The following RGSL1 variants were observed in gnomAD, a reference collection of about 807,000 sequenced individuals.
RGSL1 encodes the protein regulator of G protein signaling protein-like.
RGSL1 carries 97 observed loss-of-function variants against 124.7 expected under a neutral mutation model. The observed-to-expected ratio is 0.78, with a 90% CI of 0.66 to 0.92. The LOEUF is 0.92. RGSL1 is among the 40% of genes least tolerant of loss of function. The pLI is 0.00. For missense variants in RGSL1, 1,233 were observed against 1,288.4 expected, an observed-to-expected ratio of 0.96 and a Z score of 0.66; for synonymous variants, 424 against 438.1, an observed-to-expected ratio of 0.97 and a Z score of 0.40.
At chr1:182,534,015 C>G (rs1379616259) in intron 14 of RGSL1, among the ~76,000 whole-genome samples, 1 of 152,108 alleles carries the variant, frequency 6.6e-6, no homozygotes, top group Non-Finnish European at 1.5e-5. Context: ...TGAGATGGGG[C>G]AAATGCTTGA....
At position 182,525,750 on chromosome 1, in the gene RGSL1, A is replaced by G. The variant is rs146010324; in HGVS notation, c.1932-1829A>G. On this transcript the variant is annotated intron_variant, in intron 10 of 21. Coordinates refer to ENST00000294854, the MANE Select transcript of RGSL1 (RefSeq NM_001137669.2). ...AAATCAAAGAAAATAAATAATAACT[A>G]TTAGTGTGTAGATACATAAAATAAA... Among the ~76,000 whole-genome samples the G allele has an allele frequency of 2.3e-3, 357 of 152,306 alleles. 1 individual carries two copies. The highest frequency in any genetic ancestry group is 8.3e-3 in the African/African-American group (346 of 41,584).
chr1:182,459,892 T>G (rs562113336), intron 3 of RGSL1, 112 bp from the exon 4 acceptor site: 1 of 1,319,592 alleles, frequency 7.6e-7, no homozygotes, highest in African/African-American at 1.5e-5. Flanking sequence ...ACACCTATCC[T>G]TCTGGCCAGA....
chr1:182,527,981 G>A (rs745348782), intron 11 of RGSL1, among the ~76,000 whole-genome samples: 9 of 152,242 alleles, frequency 5.9e-5, no homozygotes, highest in East Asian at 3.9e-4. Flanking sequence ...GTATTAATCC[G>A]TTCTCACACT....
intron 9 of RGSL1, among the ~76,000 whole-genome samples, chr1:182,512,057 C>A: frequency 6.6e-6 from 1 of 151,978 alleles, no homozygotes; most frequent in South Asian, 2.1e-4. Context: ...TATATAAATG[C>A]TACTAATTTT....
chr1:182,452,147 C>G (rs972843395), intron 1 of RGSL1, among the ~76,000 whole-genome samples: 5 of 152,076 alleles, frequency 3.3e-5, no homozygotes, highest in African/African-American at 1.2e-4. Context: ...GGTTGGGAGG[C>G]CTGGACACAT....
intron 4 of RGSL1, among the ~76,000 whole-genome samples, chr1:182,470,401 T>A (rs567293584): frequency 6.6e-6 from 1 of 152,152 alleles, no homozygotes; most frequent in Middle Eastern, 3.4e-3. Context: ...TCCATTCCAG[T>A]CACATTGGCC....
At chr1:182,541,665 AG>A (rs1178209527) in intron 15 of RGSL1, among the ~76,000 whole-genome samples, 2 of 152,210 alleles carry the variant, frequency 1.3e-5, no homozygotes, top group South Asian at 2.1e-4. Context: ...TGTTTTCCAC[AG>A]TGGCTATACT....
In RGSL1 at chr1:182,460,054, T is replaced by G. The variant is rs1309622231; in HGVS notation, c.222T>G (p.Pro74=). 51 of 1,551,632 alleles carry G rather than the reference T, an allele frequency of 3.3e-5. No individual in the cohort carries two copies. Among genetic ancestry groups the G allele is most frequent in the Non-Finnish European group, 4.4e-5 (51 of 1,146,990 alleles). ...CCTGGTTGGAAAAATGCCGATTACC[T>G]TTCTTCTGTAAAACAAACTTGTGTT... The part of the protein sequence containing the change: ...LLTWLEKCRL[P]FFCKTNLCFH... Residue 74 remains proline (P), a synonymous_variant, in exon 4 of 22, where the codon CCT becomes CCG. Coordinates refer to ENST00000294854, the MANE Select transcript of RGSL1 (RefSeq NM_001137669.2).
intron 6 of RGSL1, among the ~76,000 whole-genome samples, chr1:182,486,488 A>G (rs912462477): frequency 6.6e-6 from 1 of 151,704 alleles, no homozygotes; most frequent in Non-Finnish European, 1.5e-5. Context: ...CCATAGGTGC[A>G]CGCCACCATG....
intron 9 of RGSL1, among the ~76,000 whole-genome samples, chr1:182,498,576 A>G (rs1656109581): frequency 6.6e-6 from 1 of 152,098 alleles, no homozygotes. Context: ...CCTCAATTTT[A>G]TTGTTTACTC....
intron 21 of RGSL1, 40 bp from the exon 22 acceptor site, chr1:182,560,239 C>T (rs966701186): frequency 6.6e-6 from 1 of 152,150 alleles, no homozygotes; most frequent in African/African-American, 2.4e-5. Context: ...TTTCTGTATT[C>T]CAATAAATCT....
At chr1:182,490,108 T>C (rs957612706) in intron 8 of RGSL1, among the ~76,000 whole-genome samples, 37 of 152,234 alleles carry the variant, frequency 2.4e-4, no homozygotes, top group African/African-American at 8.2e-4. Flanking sequence ...TACTCCAGCA[T>C]TCTTTATTCT....
chr1:182,458,524 C>A, intron 3 of RGSL1, 131 bp downstream of exon 3: 1 of 738,920 alleles, frequency 1.4e-6, no homozygotes, highest in Non-Finnish European at 2.2e-6. Context: ...GGCTGCAGTG[C>A]GGTGATGCGA....
chr1:182,448,082 A>G (rs2101965484), upstream of RGSL1: 1 of 152,232 alleles, frequency 6.6e-6, no homozygotes, highest in South Asian at 2.1e-4. Context: ...TGTCATTTCC[A>G]GGGTAACTGT....
chr1:182,458,043 A>T (rs1652489185), intron 2 of RGSL1, among the ~76,000 whole-genome samples: 1 of 152,240 alleles, frequency 6.6e-6, no homozygotes, highest in Admixed American at 6.5e-5. Flanking sequence ...ACACAAGCAA[A>T]TAGCTCTCAG....
intron 4 of RGSL1, among the ~76,000 whole-genome samples, chr1:182,461,706 T>C (rs971764151): frequency 2.0e-5 from 3 of 151,964 alleles, no homozygotes; most frequent in African/African-American, 7.3e-5. Context: ...AAAGCACAAC[T>C]AAAATGAAAA....
At chr1:182,510,497 C>G (rs1254375436) in intron 9 of RGSL1, among the ~76,000 whole-genome samples, 1 of 54,314 alleles carries the variant, frequency 1.8e-5, no homozygotes, top group African/African-American at 8.2e-5. Context: ...ACCAACACAG[C>G]GAAACCCCGT....
At chr1:182,489,564 C>T (rs543165695) in intron 8 of RGSL1, among the ~76,000 whole-genome samples, 2 of 152,346 alleles carry the variant, frequency 1.3e-5, no homozygotes, top group South Asian at 4.1e-4. Flanking sequence ...TGTTCCACCT[C>T]ACCACATTTC....
intron 8 of RGSL1, among the ~76,000 whole-genome samples, chr1:182,490,016 A>G (rs1043550371): frequency 6.6e-6 from 1 of 152,196 alleles, no homozygotes; most frequent in Non-Finnish European, 1.5e-5. Flanking sequence ...AATTCCTTAA[A>G]TATATACCTG....
Sources: allele counts gnomAD v4.1 joint callset (sites outside exome capture counted in the v4.1 genomes callset), GRCh38; gene constraint gnomAD v4.1.1; transcripts MANE v1.5; gene names NCBI Gene and HGNC (gene_info 2026-07-23, HGNC 2026-07-21).